The following MYT1L variants were observed in gnomAD, a reference collection of about 807,000 sequenced individuals.
The protein encoded by MYT1L is myelin transcription factor 1 like, also known as myelin transcription factor 1-like protein.
In MYT1L, 12 loss-of-function variants were observed where a neutral mutation model predicts 126.7. That is an observed-to-expected ratio of 0.09 (90% confidence interval 0.06 to 0.15). The LOEUF is 0.15. Ranked by LOEUF, MYT1L falls within the 10% of genes least tolerant of loss-of-function variation. The pLI is 1.00. For missense variants in MYT1L, 979 were observed against 1,585.2 expected, an observed-to-expected ratio of 0.62 and a Z score of 6.49; for synonymous variants, 541 against 604.2, an observed-to-expected ratio of 0.90 and a Z score of 1.53.
chr2:1,842,908 T>C (rs1322797922), intron 19 of MYT1L: 2 of 177,504 alleles, frequency 1.1e-5, no homozygotes, highest in Admixed American at 6.5e-5. Context: ...CGCTTCCGCT[T>C]CCAGGCGCTT....
intron 2 of MYT1L, among the ~76,000 whole-genome samples, chr2:2,275,158 A>T (rs762459269): frequency 1.3e-5 from 2 of 151,850 alleles, no homozygotes; most frequent in Admixed American, 6.6e-5. Flanking sequence ...AAATGGGTAG[A>T]CATGTTTGTT....
chr2:2,147,929 G>A (rs2085130323), intron 3 of MYT1L, among the ~76,000 whole-genome samples: 1 of 152,166 alleles, frequency 6.6e-6, no homozygotes, highest in Non-Finnish European at 1.5e-5. Context: ...TCACTTTCCT[G>A]CTCAAGAAAG....
chr2:1,993,637 C>T (rs1008453887), intron 5 of MYT1L, among the ~76,000 whole-genome samples: 11 of 152,138 alleles, frequency 7.2e-5, no homozygotes, highest in African/African-American at 2.7e-4. Flanking sequence ...TATTTCACTA[C>T]AAAAATAATT....
At chr2:2,113,295 G>A (rs1032247889) in intron 3 of MYT1L, among the ~76,000 whole-genome samples, 15 of 152,252 alleles carry the variant, frequency 9.9e-5, no homozygotes, top group African/African-American at 2.9e-4. Context: ...ACTTCCATGT[G>A]GGGGAAAAAC....
intron 3 of MYT1L, among the ~76,000 whole-genome samples, chr2:2,100,352 A>G (rs1643413): frequency 0.47 from 71,970 of 152,012 alleles, 19,733 homozygotes; most frequent in African/African-American, 0.78. Flanking sequence ...GTTTGTGCAA[A>G]TATAGTAACA....
chr2:2,178,056 T>C (rs1299960596), intron 2 of MYT1L, among the ~76,000 whole-genome samples: 1 of 152,110 alleles, frequency 6.6e-6, no homozygotes, highest in Admixed American at 6.6e-5. Flanking sequence ...ATATACTGTT[T>C]ATTTATAAAT....
chr2:1,920,161 C>T (rs1449757464), intron 10 of MYT1L, among the ~76,000 whole-genome samples: 1 of 152,180 alleles, frequency 6.6e-6, no homozygotes, highest in Non-Finnish European at 1.5e-5. Flanking sequence ...TCAAGGCCTT[C>T]TGCTTACAGG....
intron 9 of MYT1L, among the ~76,000 whole-genome samples, chr2:1,930,896 G>A (rs1056280104): frequency 3.9e-5 from 6 of 152,196 alleles, no homozygotes; most frequent in Non-Finnish European, 8.8e-5. Context: ...TCCCCAGGAT[G>A]TTTGTTTTAA....
intron 21 of MYT1L, among the ~76,000 whole-genome samples, chr2:1,826,655 G>T (rs1308653423): frequency 2.0e-5 from 3 of 152,196 alleles, no homozygotes; most frequent in Admixed American, 1.3e-4. Flanking sequence ...CTTTTAGGAC[G>T]CAGCACCGGG....
chr2:2,060,623 C>CTT (rs1173383767), intron 3 of MYT1L, among the ~76,000 whole-genome samples: 1 of 151,846 alleles, frequency 6.6e-6, no homozygotes, highest in Non-Finnish European at 1.5e-5. Flanking sequence ...TGTTTATTCA[C>CTT]TTTTTCTCTC....
intron 2 of MYT1L, among the ~76,000 whole-genome samples, chr2:2,257,407 G>A (rs1339823711): frequency 1.3e-5 from 2 of 152,206 alleles, no homozygotes; most frequent in East Asian, 1.9e-4. Flanking sequence ...CTTGGCTGCG[G>A]TGGCTTATGC....
At chr2:2,279,557 G>GAAGA (rs1199967119) in intron 2 of MYT1L, among the ~76,000 whole-genome samples, 23 of 102,032 alleles carry the variant, frequency 2.3e-4, no homozygotes, top group African/African-American at 8.9e-4. Flanking sequence ...AAGAGAGAAG[G>GAAGA]AATGAATGAA....
At chr2:2,225,121 C>G (rs77586879) in intron 2 of MYT1L, among the ~76,000 whole-genome samples, 1 of 146,018 alleles carries the variant, frequency 6.8e-6, no homozygotes, top group Non-Finnish European at 1.5e-5. Context: ...TTTTTTTTTT[C>G]TCAGTCTCCT....
chr2:2,164,089 G>C (rs1468329359), intron 3 of MYT1L, among the ~76,000 whole-genome samples: 1 of 152,092 alleles, frequency 6.6e-6, no homozygotes, highest in Non-Finnish European at 1.5e-5. Context: ...AACAGAAATA[G>C]TGTACGTAAT....
At chr2:1,956,574 T>TTCTTTCTTTCTTTCTATCTA (rs1369480046) in intron 8 of MYT1L, among the ~76,000 whole-genome samples, 3 of 101,518 alleles carry the variant, frequency 3.0e-5, no homozygotes, top group Non-Finnish European at 5.7e-5. Flanking sequence ...ATATTTCCTA[T>TTCTTTCTTTCTTTCTATCTA]TCTATCTATC....
intron 3 of MYT1L, among the ~76,000 whole-genome samples, chr2:2,073,830 A>G (rs1215972243): frequency 1.3e-5 from 2 of 151,954 alleles, no homozygotes; most frequent in African/African-American, 4.8e-5. Flanking sequence ...GTGTCCCTCC[A>G]TTTCCAAGGA....
intron 2 of MYT1L, among the ~76,000 whole-genome samples, chr2:2,189,221 G>T (rs1047573522): frequency 2.0e-5 from 3 of 152,230 alleles, no homozygotes; most frequent in African/African-American, 7.2e-5. Flanking sequence ...GTAAGAGGCG[G>T]CTCCTCCTCA....
At chr2:2,305,836 G>A (rs13391117) in intron 1 of MYT1L, 32,171 of 152,082 alleles carry the variant, frequency 0.21, 3,774 homozygotes, top group South Asian at 0.29. Context: ...AACAGCAAGG[G>A]AGAAACTGCC....
chr2:2,190,327 C>T (rs1490364444), intron 2 of MYT1L, among the ~76,000 whole-genome samples: 6 of 151,686 alleles, frequency 4.0e-5, no homozygotes, highest in South Asian at 4.2e-4. Flanking sequence ...CAGTGGCACA[C>T]GCCTGTAGTC....
Sources: allele counts gnomAD v4.1 joint callset (sites outside exome capture counted in the v4.1 genomes callset), GRCh38; gene constraint gnomAD v4.1.1; transcripts MANE v1.5; gene names NCBI Gene and HGNC (gene_info 2026-07-23, HGNC 2026-07-21).